SORCS1: variants seen among roughly 807,000 people sequenced by gnomAD.
SORCS1 encodes VPS10 domain-containing receptor SorCS1.
SORCS1 carries 60 observed loss-of-function variants against 146.1 expected under a neutral mutation model. The ratio of observed to expected loss-of-function variants is 0.41; its 90% CI spans 0.33 to 0.51. The LOEUF (loss-of-function observed/expected upper bound fraction) is 0.51, where lower values mean the gene tolerates loss of function less well. SORCS1 is among the 20% of genes least tolerant of loss of function. The probability of loss-of-function intolerance (pLI) is 0.21; values close to 1 mark genes in which losing one functional copy is unlikely to be tolerated. For synonymous variants in SORCS1, 637 were observed against 584.0 expected, an observed-to-expected ratio of 1.09 and a Z score of -1.31; for missense variants, 1,352 against 1,487.6, an observed-to-expected ratio of 0.91 and a Z score of 1.50.
At chr10:107,050,889 T>C (rs970655789) in intron 1 of SORCS1, among the ~76,000 whole-genome samples, 1 of 152,140 alleles carries the variant, frequency 6.6e-6, no homozygotes, top group African/African-American at 2.4e-5. Context: ...TTTACAACAA[T>C]CTAGATGAGT....
chr10:106,699,381 T>A lies in SORCS1; in HGVS notation c.1246A>T (p.Ile416Phe), dbSNP rs368140619. 1.9e-6 allele frequency: 3 copies of A among 1,611,990 alleles called. No individual in the cohort carries two copies. Among genetic ancestry groups the A allele is most frequent in the East Asian group, 2.2e-5 (1 of 44,792 alleles). ...KYALPKDMHV[I>F]STDENQVFAA... is the part of the protein sequence containing the mutation. ...AACACCTGATTCTCATCGGTGCTGA[T>A]AACATGCATGTCCTGTGAAAAGACA... The change falls in exon 9 of 26, where the codon ATC (isoleucine) becomes TTC (phenylalanine). Residue 416 changes from isoleucine (I) to phenylalanine (F), a missense_variant. Around this residue, in one of 3 missense-constraint regions of SORCS1, gnomAD observed 648 missense variants for 793.8 expected, o/e 0.82. Transcript: ENST00000263054.
chr10:107,177,118 C>T, the SORCS1 span, among the ~76,000 whole-genome samples: 1 of 151,898 alleles, frequency 6.6e-6, no homozygotes, highest in Admixed American at 6.6e-5. Flanking sequence ...TATTTTTTGC[C>T]TAAAATCGAC....
chr10:106,927,350 C>T (rs1039589859), intron 2 of SORCS1, among the ~76,000 whole-genome samples: 1 of 151,608 alleles, frequency 6.6e-6, no homozygotes, highest in Non-Finnish European at 1.5e-5. Flanking sequence ...TAAGGCGGCG[C>T]GTCTGGAGTT....
intron 24 of SORCS1, 110 bp from the exon 25 acceptor site, chr10:106,579,584 T>G (rs191572502): frequency 3.9e-5 from 43 of 1,098,866 alleles, no homozygotes; most frequent in Non-Finnish European, 5.6e-5. Flanking sequence ...TGGAAAACCA[T>G]GTGGGATATA....
At chr10:106,873,827 C>T (rs577566484) in intron 2 of SORCS1, among the ~76,000 whole-genome samples, 245 of 152,286 alleles carry the variant, frequency 1.6e-3, no homozygotes, top group Non-Finnish European at 2.6e-3. Flanking sequence ...AGTGTTTATA[C>T]GCCTACCTTA....
At chr10:106,758,689 T>C (rs113039277) in intron 5 of SORCS1, among the ~76,000 whole-genome samples, 71 of 152,240 alleles carry the variant, frequency 4.7e-4, no homozygotes, top group African/African-American at 1.7e-3. Flanking sequence ...ACTTTACATG[T>C]AAAACACACA....
At chr10:106,882,674 CACACAT>C (rs1950850477) in intron 2 of SORCS1, among the ~76,000 whole-genome samples, 1 of 152,180 alleles carries the variant, frequency 6.6e-6, no homozygotes, top group African/African-American at 2.4e-5. Flanking sequence ...CACTCACACA[CACACAT>C]ACACACACAA....
the SORCS1 span, among the ~76,000 whole-genome samples, chr10:107,179,196 G>C: frequency 2.0e-5 from 3 of 152,210 alleles, no homozygotes; most frequent in South Asian, 4.2e-4. Context: ...GCTTTGACTT[G>C]CATTTCCCTG....
At chr10:106,980,205 A>G (rs1956192877) in intron 1 of SORCS1, among the ~76,000 whole-genome samples, 1 of 152,228 alleles carries the variant, frequency 6.6e-6, no homozygotes, top group African/African-American at 2.4e-5. Context: ...TGTTGGGCCA[A>G]TGTGTCTAAC....
In SORCS1 at chr10:106,577,312, A is replaced by C. The variant is rs1341814570; in HGVS notation, c.*108T>G. ...TGGCAAAATAGGAAACAGAACAACA[A>C]AGGAAAGAAAAAAAACACAAAGTTA... On this transcript the variant is annotated 3_prime_UTR_variant, in exon 26 of 26. Transcript: ENST00000263054. 1 of 1,608,154 alleles carries C rather than the reference A, an allele frequency of 6.2e-7. No individual in the cohort carries two copies. The highest frequency in any genetic ancestry group is 8.5e-7 in the Non-Finnish European group (1 of 1,178,158).
At chr10:107,179,758 A>G in the SORCS1 span, among the ~76,000 whole-genome samples, 1 of 152,092 alleles carries the variant, frequency 6.6e-6, no homozygotes, top group African/African-American at 2.4e-5. Flanking sequence ...TTCTAATTAA[A>G]TTGTTTGATT....
intron 5 of SORCS1, among the ~76,000 whole-genome samples, chr10:106,736,323 G>C (rs1332931123): frequency 6.6e-6 from 1 of 152,178 alleles, no homozygotes; most frequent in African/African-American, 2.4e-5. Flanking sequence ...TATTTATTCA[G>C]ATTCAGAATT....
intron 10 of SORCS1, among the ~76,000 whole-genome samples, chr10:106,680,075 A>G (rs554637261): frequency 3.4e-4 from 52 of 152,340 alleles, no homozygotes; most frequent in African/African-American, 1.2e-3. Context: ...GCCATAAAAA[A>G]TGAAGAGACA....
At chr10:107,059,227 T>A (rs1292272684) in intron 1 of SORCS1, among the ~76,000 whole-genome samples, 1 of 152,160 alleles carries the variant, frequency 6.6e-6, no homozygotes, top group Non-Finnish European at 1.5e-5. Flanking sequence ...AACAAGGGAC[T>A]TCACTCCACA....
At chr10:106,627,680 A>C (rs1848191454) in intron 19 of SORCS1, among the ~76,000 whole-genome samples, 1 of 152,210 alleles carries the variant, frequency 6.6e-6, no homozygotes, top group African/African-American at 2.4e-5. Context: ...CCCCGTGATG[A>C]GTACTGAACT....
At chr10:107,087,459 T>A (rs767723332) in intron 1 of SORCS1, among the ~76,000 whole-genome samples, 3 of 152,236 alleles carry the variant, frequency 2.0e-5, no homozygotes, top group Non-Finnish European at 4.4e-5. Flanking sequence ...GTTGATTGGT[T>A]CTATTACTTC....
rs530780974 is a variant in SORCS1 at position 106,963,170 on chromosome 10, C to T, written c.559-6590G>A. Among the ~76,000 whole-genome samples the T allele has an allele frequency of 1.7e-4, 21 of 124,182 alleles. 1 individual carries two copies. In the South Asian group the frequency reaches 5.6e-3, roughly 33 times the overall value. 81.5% of individuals were successfully genotyped at this position (124,182 alleles called of 152,430 possible). A position where few individuals can be genotyped will look rare whatever the true frequency, so the allele number is the denominator to read the frequency against. On this transcript the variant is annotated intron_variant, in intron 1 of 25. Coordinates refer to ENST00000263054, the MANE Select transcript of SORCS1 (RefSeq NM_052918.5). ...TTGCTCTGTCGCCCAGGCTGGAGTG[C>T]AGTGGCACGATCTCGGCTCACTGCA...
rs1844528508 is a variant in SORCS1, at chr10:106,575,273, T to TG, written c.*2146dup. 1 of 152,416 alleles carries TG rather than the reference T, an allele frequency of 6.6e-6. No individual in the cohort carries two copies. Among genetic ancestry groups the TG allele is most frequent in the South Asian group, 2.1e-4 (1 of 4,834 alleles). 9.4% of individuals were successfully genotyped at this position (152,416 alleles called of 1,614,324 possible). A position where few individuals can be genotyped will look rare whatever the true frequency, so the allele number is the denominator to read the frequency against. ...GCCTAGCCCATTTCCCAGATTCATATGGGGTATCCTCAACCATAAACATCT... is the reference window on the plus strand; with the variant it reads ...GCCTAGCCCATTTCCCAGATTCATATGGGGGTATCCTCAACCATAAACATCT... On this transcript the variant is annotated 3_prime_UTR_variant, in exon 26 of 26. Transcript: ENST00000263054.
chr10:106,997,226 C>G (rs1408146754), intron 1 of SORCS1, among the ~76,000 whole-genome samples: 1 of 152,148 alleles, frequency 6.6e-6, no homozygotes, highest in Admixed American at 6.5e-5. Flanking sequence ...GTCTGGCCCA[C>G]AGTGGGTGTC....
Sources: allele counts gnomAD v4.1 joint callset (sites outside exome capture counted in the v4.1 genomes callset), GRCh38; gene constraint gnomAD v4.1.1; regional missense constraint gnomAD v4.1.1; transcripts MANE v1.5; gene names NCBI Gene and HGNC (gene_info 2026-07-23, HGNC 2026-07-21).